Variants in APP observed in about 807,000 individuals in gnomAD.
APP encodes amyloid beta precursor protein.
In APP, 31 loss-of-function variants were observed where a neutral mutation model predicts 101.4. That is an observed-to-expected ratio of 0.31 (90% CI 0.23 to 0.41). APP has a LOEUF of 0.41. Ranked by LOEUF, APP falls within the 10% of genes least tolerant of loss-of-function variation. The probability of loss-of-function intolerance (pLI) is 1.00; values close to 1 mark genes in which losing one functional copy is unlikely to be tolerated. For missense variants in APP, 839 were observed against 1,003.7 expected (o/e 0.84, Z 2.22); for synonymous variants, 366 against 364.4 (o/e 1.00, Z -0.05).
Position 26,099,239 on chromosome 21 carries a change from AAC to A in APP, c.226-9169_226-9168del, listed in dbSNP as rs746698813. 1.1e-4 allele frequency among the ~76,000 whole-genome samples: 17 copies of A among 152,126 alleles called. 1 individual carries two copies. In the East Asian group the frequency reaches 2.1e-3, roughly 19 times the overall value. On this transcript the variant is annotated intron_variant, in intron 2 of 17. Coordinates refer to ENST00000346798, the MANE Select transcript of APP (RefSeq NM_000484.4). ...CTAGCATATATGAATATATACATGAAACAGAGAATCAAATGCTCTATACCAAA... is the reference window on the plus strand; with the variant it reads ...CTAGCATATATGAATATATACATGAAAGAGAATCAAATGCTCTATACCAAA...
intron 2 of APP, among the ~76,000 whole-genome samples, chr21:26,108,991 G>A (rs2062248981): frequency 6.6e-6 from 1 of 152,182 alleles, no homozygotes; most frequent in Admixed American, 6.5e-5. Flanking sequence ...GGCTCACAAG[G>A]TATGATGTTT....
At chr21:26,133,750 C>T (rs566011232) in intron 1 of APP, among the ~76,000 whole-genome samples, 1 of 152,168 alleles carries the variant, frequency 6.6e-6, no homozygotes, top group African/African-American at 2.4e-5. Context: ...CCAGCCTGGG[C>T]GACAGAGCGA....
intron 13 of APP, among the ~76,000 whole-genome samples, chr21:25,935,794 C>T (rs1219909812): frequency 3.0e-5 from 4 of 134,004 alleles, no homozygotes; most frequent in African/African-American, 8.4e-5. Flanking sequence ...GAGCCGAGAT[C>T]GTGCCACTGC....
intron 3 of APP, 183 bp from the exon 4 acceptor site, chr21:26,053,531 T>C: frequency 1.9e-6 from 1 of 538,442 alleles, no homozygotes; most frequent in Admixed American, 3.1e-5. Flanking sequence ...ACTCCGTTTC[T>C]TGCCACTTCA....
intron 1 of APP, among the ~76,000 whole-genome samples, chr21:26,144,723 T>C (rs1210503244): frequency 6.6e-6 from 1 of 152,236 alleles, no homozygotes; most frequent in Non-Finnish European, 1.5e-5. Flanking sequence ...ACAGTTCCAC[T>C]AAACTGCTTT....
At chr21:25,998,961 T>C (rs1406794407) in intron 7 of APP, among the ~76,000 whole-genome samples, 3 of 152,212 alleles carry the variant, frequency 2.0e-5, no homozygotes, top group Admixed American at 1.3e-4. Flanking sequence ...TCCCCCGGAA[T>C]TATGAAAAGC....
chr21:26,089,100 A>C (rs942702212), intron 3 of APP, among the ~76,000 whole-genome samples: 1 of 152,182 alleles, frequency 6.6e-6, no homozygotes, highest in Non-Finnish European at 1.5e-5. Flanking sequence ...ATACATCAAT[A>C]TTTGTCCACA....
chr21:26,086,842 T>C (rs1040509987), intron 3 of APP, among the ~76,000 whole-genome samples: 12 of 152,216 alleles, frequency 7.9e-5, no homozygotes, highest in African/African-American at 2.9e-4. Flanking sequence ...CAAATTTTTG[T>C]GTATACTGTA....
In APP at chr21:26,081,592, G is replaced by A. The variant is rs114235940; in HGVS notation, c.355+8351C>T. Among the ~76,000 whole-genome samples the A allele has an allele frequency of 5.5e-3, 841 of 152,248 alleles. 3 individuals carry two copies. The highest frequency in any genetic ancestry group is 0.034 in the Middle Eastern group (10 of 294). On this transcript the variant is annotated intron_variant, in intron 3 of 17. Transcript: ENST00000346798. Reference sequence around the variant, plus strand: ...TCTTTTGTGATTCTTCACTTGCTTCGGGCCATCTGGGCGAATACGTGCAGG... The same window carrying A: ...TCTTTTGTGATTCTTCACTTGCTTCAGGCCATCTGGGCGAATACGTGCAGG...
intron 13 of APP, among the ~76,000 whole-genome samples, chr21:25,952,193 C>CAT (rs1410215870): frequency 7.2e-6 from 1 of 139,466 alleles, no homozygotes; most frequent in Non-Finnish European, 1.6e-5. Context: ...TACATACATA[C>CAT]ACACACACAC....
chr21:25,982,354 C>G lies in APP; in HGVS notation c.1214G>C (p.Arg405Thr). The G allele has an allele frequency of 1.9e-6, 3 of 1,613,786 alleles. No individual in the cohort carries two copies. Among genetic ancestry groups the G allele is most frequent in the Non-Finnish European group, 1.7e-6 (2 of 1,179,794 alleles). Reference sequence around the variant, plus strand: ...AAGAGCCAGACTTACCTGGGACATTCTCTCTCGGTGCTTGGCCTCAAGCCT... The same window carrying G: ...AAGAGCCAGACTTACCTGGGACATTGTCTCTCGGTGCTTGGCCTCAAGCCT... ...KERLEAKHRE[R>T]MSQVMREWEE... is the part of the protein sequence containing the mutation. The change falls in exon 9 of 18, where the codon AGA becomes ACA. Residue 405 changes from arginine (R) to threonine (T), a missense_variant. Transcript: ENST00000346798.
chr21:26,026,292 T>C (rs536906033), intron 5 of APP, among the ~76,000 whole-genome samples: 1 of 152,322 alleles, frequency 6.6e-6, no homozygotes, highest in South Asian at 2.1e-4. Flanking sequence ...TAACAAACAT[T>C]TTTACAGAAC....
intron 6 of APP, among the ~76,000 whole-genome samples, chr21:26,020,604 C>A (rs186455137): frequency 6.6e-6 from 1 of 152,234 alleles, no homozygotes; most frequent in African/African-American, 2.4e-5. Flanking sequence ...TTTGTAAATG[C>A]TGTAACATTT....
chr21:26,097,464 C>T (rs2061967861), intron 2 of APP, among the ~76,000 whole-genome samples: 1 of 152,040 alleles, frequency 6.6e-6, no homozygotes, highest in Non-Finnish European at 1.5e-5. Flanking sequence ...GTATTATAAA[C>T]CTATCTCTTA....
chr21:26,039,725 CTG>C (rs1039823649), intron 5 of APP, among the ~76,000 whole-genome samples: 8 of 152,152 alleles, frequency 5.3e-5, no homozygotes, highest in Admixed American at 1.3e-4. Flanking sequence ...ATCAGATGAT[CTG>C]TGTGTCCTTT....
chr21:25,973,465 C>A (rs933321426), intron 11 of APP, among the ~76,000 whole-genome samples: 2 of 152,110 alleles, frequency 1.3e-5, no homozygotes, highest in Non-Finnish European at 2.9e-5. Flanking sequence ...CAAAACATTA[C>A]AAAGGATAAA....
At chr21:26,051,854 A>C (rs2045852941) in intron 4 of APP, among the ~76,000 whole-genome samples, 1 of 152,232 alleles carries the variant, frequency 6.6e-6, no homozygotes, top group Non-Finnish European at 1.5e-5. Flanking sequence ...AATTCAAGAC[A>C]TAAAGGTAGA....
intron 1 of APP, among the ~76,000 whole-genome samples, chr21:26,130,110 C>T (rs1209021457): frequency 6.6e-6 from 1 of 152,164 alleles, no homozygotes; most frequent in Admixed American, 6.6e-5. Flanking sequence ...CATCACACAA[C>T]AGCTGACAAA....
chr21:26,164,866 A>G (rs1462877006), intron 1 of APP, among the ~76,000 whole-genome samples: 1 of 151,932 alleles, frequency 6.6e-6, no homozygotes, highest in East Asian at 1.9e-4. Flanking sequence ...AAAAAAAAAA[A>G]AAAAAGGTCT....
Sources: gnomAD v4.1 joint callset for allele counts (sites outside exome capture counted in the v4.1 genomes callset) on GRCh38, gnomAD v4.1.1 for gene constraint, MANE v1.5 for transcripts, NCBI Gene and HGNC (gene_info 2026-07-23, HGNC 2026-07-21) for gene names.